PTDSS2: variants seen among roughly 807,000 people sequenced by gnomAD.
The protein encoded by PTDSS2 is phosphatidylserine synthase 2, also known as PSS-2.
In PTDSS2, 41 loss-of-function variants were observed where a neutral mutation model predicts 64.7. That is an observed-to-expected ratio of 0.63 (90% CI 0.49 to 0.82). PTDSS2 has a LOEUF of 0.82. Ranked by LOEUF, PTDSS2 falls within the 40% of genes least tolerant of loss-of-function variation. PTDSS2 has a pLI of 0.00. For missense variants in PTDSS2, 485 were observed against 650.0 expected (o/e 0.75, Z 2.76); for synonymous variants, 297 against 277.8 (o/e 1.07, Z -0.69).
At chr11:451,317 C>T in intron 1 of PTDSS2, 1 of 423,766 alleles carries the variant, frequency 2.4e-6, no homozygotes, top group East Asian at 7.8e-5. Flanking sequence ...GAAGAGGCCC[C>T]CGGGAGCAGC....
Position 479,683 on chromosome 11 carries a change from A to C in PTDSS2, c.435+531A>C, listed in dbSNP as rs1847983702. Among the ~76,000 whole-genome samples, 1 of 152,188 alleles carries C rather than the reference A, an allele frequency of 6.6e-6. No individual in the cohort carries two copies. The highest frequency in any genetic ancestry group is 2.4e-5 in the African/African-American group (1 of 41,442). On this transcript the variant is annotated intron_variant, in intron 4 of 11. Coordinates refer to ENST00000308020, the MANE Select transcript of PTDSS2 (RefSeq NM_030783.3). The surrounding 1 kb of genome is among the most constrained non-coding windows in gnomAD (Gnocchi z 4.2). ...TTGTTTTTGTGTTTTGTGGTTGACC[A>C]GTGTGACTGTGTGTGCTTCTTCCCC...
chr11:466,336 A>C (rs952690749), intron 2 of PTDSS2, among the ~76,000 whole-genome samples: 2 of 152,064 alleles, frequency 1.3e-5, no homozygotes, highest in African/African-American at 4.8e-5. Flanking sequence ...CAAAAGGGGA[A>C]GCAGGCACCT....
chr11:473,764 C>A, intron 2 of PTDSS2, 131 bp from the exon 3 acceptor site: 1 of 741,992 alleles, frequency 1.3e-6, no homozygotes, highest in Non-Finnish European at 2.4e-6. Flanking sequence ...CAGCTCTGCC[C>A]GAGGCCCCTT....
At chr11:487,214 G>A (rs1848434589) in intron 5 of PTDSS2, 141 bp downstream of exon 5, 5 of 1,005,712 alleles carry the variant, frequency 5.0e-6, no homozygotes, top group South Asian at 3.1e-5. Context: ...GGCCCTGTCC[G>A]TCTGGATGGT....
rs199935234 is a variant in PTDSS2, at chr11:487,444, G to A, written c.595G>A (p.Ala199Thr). The change falls in exon 6 of 12, where the codon GCG (alanine) becomes ACG (threonine). Residue 199 changes from alanine (A) to threonine (T), a missense_variant. Coordinates refer to ENST00000308020, the MANE Select transcript of PTDSS2 (RefSeq NM_030783.3). ...IWDKLDGFVP[A>T]HFLGWYLKTL... The stretch of plus-strand genomic sequence containing the variant: ...GGACAAGTTGGATGGCTTTGTTCCC[G>A]CGCACTTTCTTGGCTGGTACCTGAA... 2.5e-5 allele frequency: 40 copies of A among 1,613,856 alleles called. No individual in the cohort carries two copies. The highest frequency in any genetic ancestry group is 6.7e-5 in the East Asian group (3 of 44,894).
chr11:454,065 AG>A (rs1199191200), intron 1 of PTDSS2, among the ~76,000 whole-genome samples: 20 of 152,192 alleles, frequency 1.3e-4, no homozygotes, highest in African/African-American at 4.6e-4. Context: ...TGCTATCTTG[AG>A]CGGCACTCTG....
Position 479,924 on chromosome 11 carries a change from AT to A in PTDSS2, c.435+778del, listed in dbSNP as rs746921345. Among the ~76,000 whole-genome samples, 2 of 152,156 alleles carry A rather than the reference AT, an allele frequency of 1.3e-5. No individual in the cohort carries two copies. Among genetic ancestry groups the A allele is most frequent in the Non-Finnish European group, 2.9e-5 (2 of 68,024 alleles). ...TAAAACTCCATCAGTGCATGATGAG[AT>A]TTTTTATCATCGTGGCAAAATTGAC... On this transcript the variant is annotated intron_variant, in intron 4 of 11. Coordinates refer to ENST00000308020, the MANE Select transcript of PTDSS2 (RefSeq NM_030783.3). This position sits in a 1 kb window ranked among gnomAD's most constrained non-coding sequence, Gnocchi z 4.2.
chr11:465,123 C>A (rs1287300153), intron 2 of PTDSS2, among the ~76,000 whole-genome samples: 1 of 152,222 alleles, frequency 6.6e-6, no homozygotes, highest in Non-Finnish European at 1.5e-5. Context: ...ACAGACCTGA[C>A]ACTTCTCACA....
chr11:487,671 C>G (rs2301172), intron 6 of PTDSS2, among the ~76,000 whole-genome samples: 1 of 152,162 alleles, frequency 6.6e-6, no homozygotes, highest in Non-Finnish European at 1.5e-5. Context: ...GTCCCCGCTC[C>G]GTCCTCAGGG....
rs1848413161 is a variant in PTDSS2 at position 486,808 on chromosome 11, A to G, written c.436-131A>G. ...GCTTGCAGTGAGCCCAGTTCACGCC[A>G]CTGCATTCCAGCCTGGGCGACAGAG... On this transcript the variant is annotated intron_variant, in intron 4 of 11. Coordinates refer to ENST00000308020, the MANE Select transcript of PTDSS2 (RefSeq NM_030783.3). 2.2e-5 allele frequency: 27 copies of G among 1,220,780 alleles called. 1 individual carries two copies. In the South Asian group the frequency reaches 4.0e-4, roughly 18 times the overall value. 75.6% of individuals were successfully genotyped at this position (1,220,780 alleles called of 1,614,324 possible).
chr11:448,319 C>T (rs1302119056), upstream of PTDSS2: 1 of 152,252 alleles, frequency 6.6e-6, no homozygotes, highest in Admixed American at 6.5e-5. Context: ...CCGCCCCGGC[C>T]TCTGCACCCT....
In PTDSS2 at chr11:457,253, A is replaced by G. The variant is rs575200559; in HGVS notation, c.183-2934A>G. Among the ~76,000 whole-genome samples, 30 of 152,256 alleles carry G rather than the reference A, an allele frequency of 2.0e-4. No individual in the cohort carries two copies. In the South Asian group the frequency reaches 6.0e-3, roughly 30 times the overall value. On this transcript the variant is annotated intron_variant, in intron 1 of 11. Transcript: ENST00000308020. The stretch of plus-strand genomic sequence containing the variant: ...TCAGTGCAGCACCCACGTGCAGGTG[A>G]CACGCCCATGCACCGCCACAACCAC...
chr11:461,724 C>G lies in PTDSS2; in HGVS notation c.284+1436C>G, dbSNP rs1279966375. Among the ~76,000 whole-genome samples, 1 of 152,126 alleles carries G rather than the reference C, an allele frequency of 6.6e-6. No individual in the cohort carries two copies. Among genetic ancestry groups the G allele is most frequent in the Non-Finnish European group, 1.5e-5 (1 of 68,000 alleles). On this transcript the variant is annotated intron_variant, in intron 2 of 11. Transcript: ENST00000308020. This position sits in a 1 kb window ranked among gnomAD's most constrained non-coding sequence, Gnocchi z 4.2. Reference sequence around the variant, plus strand: ...GTGCTCCAGGCCCAGCTCGCTCCTTCTCCCTTTCTTAGGCAGTCCCAGCGG... The same window carrying G: ...GTGCTCCAGGCCCAGCTCGCTCCTTGTCCCTTTCTTAGGCAGTCCCAGCGG...
At chr11:486,570 T>C (rs187734797) in intron 4 of PTDSS2, among the ~76,000 whole-genome samples, 12 of 152,104 alleles carry the variant, frequency 7.9e-5, no homozygotes, top group East Asian at 1.9e-4. Context: ...TGGCCGGGCG[T>C]GGTGGCTCAC....
In PTDSS2 at chr11:490,825, T is replaced by C. The variant is rs981234270; in HGVS notation, c.*243T>C. ...GCGTGTGTACGCGCGTGTGTACACA[T>C]GCGTGGCCGCCTGTGGTGTGCACGT... is the stretch of plus-strand genomic sequence containing the variant. On this transcript the variant is annotated 3_prime_UTR_variant, in exon 12 of 12. Transcript: ENST00000308020. 5.2e-5 allele frequency: 29 copies of C among 558,462 alleles called. No homozygotes were observed. Among genetic ancestry groups the C allele is most frequent in the Non-Finnish European group, 8.8e-5 (28 of 317,128 alleles). The allele number at this position is 558,462 out of a possible 1,614,324, so 34.6% of individuals were successfully genotyped here. A position where few individuals can be genotyped will look rare whatever the true frequency, so the allele number is the denominator to read the frequency against.
chr11:450,338 G>A lies in PTDSS2; in HGVS notation c.-118G>A, dbSNP rs900999874. The A allele has an allele frequency of 1.1e-6, 1 of 925,898 alleles. No homozygotes were observed. 57.4% of individuals were successfully genotyped at this position (925,898 alleles called of 1,614,324 possible). A position where few individuals can be genotyped will look rare whatever the true frequency, so the allele number is the denominator to read the frequency against. ...GCGCTGCTCTCCTAAGACCCCGCGG[G>A]CCAGCGCCGCGACCCCTTCCCAGCG... On this transcript the variant is annotated 5_prime_UTR_variant, in exon 1 of 12. Transcript: ENST00000308020.
chr11:476,725 C>T lies in PTDSS2; in HGVS notation c.368-2360C>T, dbSNP rs545035995. Among the ~76,000 whole-genome samples, 15 of 152,274 alleles carry T rather than the reference C, an allele frequency of 9.9e-5. No individual in the cohort carries two copies. Among genetic ancestry groups the T allele is most frequent in the Admixed American group, 7.9e-4 (12 of 15,284 alleles). On this transcript the variant is annotated intron_variant, in intron 3 of 11. Transcript: ENST00000308020. The surrounding 1 kb of genome is among the most constrained non-coding windows in gnomAD (Gnocchi z 4.9). ...TTGGCGCTTCCAAAAGCTCCGGCCG[C>T]GGCGTCTCTTGAGTTGTGGCTCGTC... is the stretch of plus-strand genomic sequence containing the variant.
At chr11:489,035 C>T in intron 8 of PTDSS2, among the ~76,000 whole-genome samples, 1 of 152,272 alleles carries the variant, frequency 6.6e-6, no homozygotes, top group East Asian at 1.9e-4. Flanking sequence ...GGGGTCTCCC[C>T]TCCTGCCTGT....
At chr11:482,383 C>T (rs898528234) in intron 4 of PTDSS2, among the ~76,000 whole-genome samples, 12 of 152,120 alleles carry the variant, frequency 7.9e-5, no homozygotes, top group African/African-American at 2.7e-4. Flanking sequence ...CTACCACACC[C>T]GACTAATTTT....
Sources: allele counts gnomAD v4.1 joint callset (sites outside exome capture counted in the v4.1 genomes callset), GRCh38; gene constraint gnomAD v4.1.1; non-coding constraint Gnocchi (gnomAD v3.1); transcripts MANE v1.5; gene names NCBI Gene and HGNC (gene_info 2026-07-23, HGNC 2026-07-21).